NPAS3: variants seen among roughly 807,000 people sequenced by gnomAD.
NPAS3 encodes neuronal PAS domain-containing protein 3.
A neutral mutation model predicts 73.1 loss-of-function variants in NPAS3; 14 were observed. The ratio of observed to expected loss-of-function variants is 0.19; its 90% CI spans 0.13 to 0.30. The LOEUF is 0.30. Among genes scored for constraint, NPAS3 ranks in the 10% least tolerant of loss-of-function variants. NPAS3 has a pLI of 1.00. For synonymous variants in NPAS3, 620 were observed against 541.5 expected (o/e 1.14, Z -2.01); for missense variants, 1,096 against 1,250.0 (o/e 0.88, Z 1.86).
intron 6 of NPAS3, among the ~76,000 whole-genome samples, chr14:33,734,043 A>G (rs2061463538): frequency 6.6e-6 from 1 of 152,204 alleles, no homozygotes. Flanking sequence ...CTTCAAATTT[A>G]AAACTTGTTT....
chr14:33,279,876 A>C (rs1186947673), intron 3 of NPAS3, among the ~76,000 whole-genome samples: 1 of 152,166 alleles, frequency 6.6e-6, no homozygotes, highest in Non-Finnish European at 1.5e-5. Context: ...TTTGAACTGC[A>C]AAAAAATCAT....
At chr14:33,765,781 G>A (rs766035018) in intron 7 of NPAS3, among the ~76,000 whole-genome samples, 8 of 152,254 alleles carry the variant, frequency 5.3e-5, no homozygotes, top group Non-Finnish European at 1.2e-4. Context: ...CTCTCCTGAT[G>A]GAGAGGAAGC....
chr14:33,716,410 TTG>T (rs1406307118), intron 6 of NPAS3, among the ~76,000 whole-genome samples: 2 of 152,238 alleles, frequency 1.3e-5, no homozygotes, highest in Non-Finnish European at 2.9e-5. Flanking sequence ...CATCTGTTTT[TTG>T]TCTCATTAGT....
At chr14:33,669,958 C>T (rs1250103967) in intron 5 of NPAS3, among the ~76,000 whole-genome samples, 1 of 152,040 alleles carries the variant, frequency 6.6e-6, no homozygotes, top group African/African-American at 2.4e-5. Context: ...TCTTGTCACC[C>T]AGGCTGGAGT....
intron 3 of NPAS3, among the ~76,000 whole-genome samples, chr14:33,338,487 A>G (rs1406567146): frequency 6.6e-6 from 1 of 152,144 alleles, no homozygotes. Context: ...TGTCTCTCAA[A>G]TCTTTTCCTT....
intron 4 of NPAS3, among the ~76,000 whole-genome samples, chr14:33,492,297 G>A (rs2051940220): frequency 6.6e-6 from 1 of 152,060 alleles, no homozygotes; most frequent in Non-Finnish European, 1.5e-5. Context: ...AGGCACATCT[G>A]TAAAAAAAAG....
chr14:33,362,656 G>A (rs2045656344), intron 3 of NPAS3, among the ~76,000 whole-genome samples: 1 of 152,114 alleles, frequency 6.6e-6, no homozygotes, highest in South Asian at 2.1e-4. Flanking sequence ...CTTAGATGGA[G>A]GATTCAGAGG....
chr14:33,094,176 T>TG (rs991790475), intron 2 of NPAS3, among the ~76,000 whole-genome samples: 1 of 152,006 alleles, frequency 6.6e-6, no homozygotes, highest in Admixed American at 6.6e-5. Context: ...AACACACTTT[T>TG]GGGGGGAAAA....
chr14:33,008,861 C>T (rs2039089776), intron 1 of NPAS3, among the ~76,000 whole-genome samples: 1 of 152,054 alleles, frequency 6.6e-6, no homozygotes, highest in African/African-American at 2.4e-5. Context: ...AGCCGTATGT[C>T]AGTGTTATGG....
chr14:33,225,388 G>A (rs2047591320), intron 3 of NPAS3, among the ~76,000 whole-genome samples: 1 of 152,100 alleles, frequency 6.6e-6, no homozygotes, highest in African/African-American at 2.4e-5. Flanking sequence ...TCCAGTCTTG[G>A]TCAAAGAGTG....
At chr14:33,532,979 C>T (rs1462765901) in intron 4 of NPAS3, among the ~76,000 whole-genome samples, 1 of 152,000 alleles carries the variant, frequency 6.6e-6, no homozygotes, top group African/African-American at 2.4e-5. Flanking sequence ...TGTTTTCAAA[C>T]AGAACCTCAG....
intron 4 of NPAS3, among the ~76,000 whole-genome samples, chr14:33,529,707 G>C (rs112485921): frequency 4.6e-5 from 7 of 151,868 alleles, no homozygotes; most frequent in African/African-American, 1.7e-4. Context: ...TCAAAACTGA[G>C]TTCTAAGCTC....
At chr14:33,103,033 G>A (rs762455412) in intron 2 of NPAS3, among the ~76,000 whole-genome samples, 2 of 152,150 alleles carry the variant, frequency 1.3e-5, no homozygotes, top group African/African-American at 2.4e-5. Context: ...ACTAAAGTTG[G>A]TGGTGACTAG....
chr14:33,441,253 C>T (rs1017846278), intron 4 of NPAS3, among the ~76,000 whole-genome samples: 29 of 152,268 alleles, frequency 1.9e-4, no homozygotes, highest in Admixed American at 9.2e-4. Context: ...TATGCATATG[C>T]AAATTAGTAT....
intron 4 of NPAS3, among the ~76,000 whole-genome samples, chr14:33,557,351 A>G (rs2055407041): frequency 6.6e-6 from 1 of 152,140 alleles, no homozygotes. Flanking sequence ...GAAGTAACTT[A>G]AGTAATCTCT....
intron 4 of NPAS3, among the ~76,000 whole-genome samples, chr14:33,437,904 A>G (rs1215690311): frequency 6.6e-6 from 1 of 152,076 alleles, no homozygotes; most frequent in Non-Finnish European, 1.5e-5. Context: ...AAGGTAGCCT[A>G]TTTCTTCCCC....
At chr14:33,676,278 A>G (rs1446188602) in exon 6 of NPAS3, 2 of 1,613,740 alleles carry the variant, frequency 1.2e-6, no homozygotes, top group East Asian at 4.5e-5. Flanking sequence ...ATGGCTGAGC[A>G]GCTGGGCATG....
At chr14:33,161,068 G>C (rs1039255640) in intron 2 of NPAS3, among the ~76,000 whole-genome samples, 3 of 152,174 alleles carry the variant, frequency 2.0e-5, no homozygotes, top group African/African-American at 7.2e-5. Flanking sequence ...TCATGTACTG[G>C]CTGGAACATG....
intron 2 of NPAS3, among the ~76,000 whole-genome samples, chr14:33,145,087 A>T (rs1214992931): frequency 6.6e-6 from 1 of 152,078 alleles, no homozygotes; most frequent in Non-Finnish European, 1.5e-5. Context: ...TACAGGGGAG[A>T]TATTTGATGC....
Sources: allele counts gnomAD v4.1 joint callset (sites outside exome capture counted in the v4.1 genomes callset), GRCh38; gene constraint gnomAD v4.1.1; transcripts MANE v1.5; gene names NCBI Gene and HGNC (gene_info 2026-07-23, HGNC 2026-07-21).